SYCP1: variants seen among roughly 807,000 people sequenced by gnomAD.
The protein encoded by SYCP1 is cancer/testis antigen 8.
In SYCP1, 64 loss-of-function variants were observed where a neutral mutation model predicts 153.1. That is an observed-to-expected ratio of 0.42 (90% CI 0.34 to 0.51). The LOEUF is 0.51. SYCP1 is among the 20% of genes least tolerant of loss of function. The probability of loss-of-function intolerance (pLI) is 0.06; values close to 1 mark genes in which losing one functional copy is unlikely to be tolerated. For missense variants in SYCP1, 997 were observed against 1,049.0 expected, an observed-to-expected ratio of 0.95 and a Z score of 0.68; for synonymous variants, 384 against 341.8, an observed-to-expected ratio of 1.12 and a Z score of -1.36.
chr1:114,955,392 T>C (rs1671372818), intron 27 of SYCP1, among the ~76,000 whole-genome samples: 1 of 152,226 alleles, frequency 6.6e-6, no homozygotes, highest in South Asian at 2.1e-4. Flanking sequence ...TTCTCTATAC[T>C]ATCTTGTCTG....
At position 114,855,552 on chromosome 1, in the gene SYCP1, G is replaced by T; in HGVS notation, c.88G>T (p.Gly30Cys). 6.2e-7 allele frequency: 1 copy of T among 1,607,898 alleles called. No individual in the cohort carries two copies. The highest frequency in any genetic ancestry group is 1.1e-5 in the South Asian group (1 of 90,312). The change falls in exon 2 of 32, where the codon GGC becomes TGC. Residue 30 changes from glycine (G) to cysteine (C), a missense_variant. Gly to Cys is a radical substitution (Grantham distance 159). Transcript: ENST00000369522. Reference protein sequence around the residue: ...VSAVKPQTLGGDSTFFKSFNK... With the variant: ...VSAVKPQTLGCDSTFFKSFNK... ...TGCGGTGAAACCTCAGACCCTGGGA[G>T]GCGATTCCACTTTCTTCAAGGTAAA...
At position 114,965,875 on chromosome 1, in the gene SYCP1, AGG is replaced by A. The variant is rs1372029931; in HGVS notation, c.2323-11681_2323-11680del. ...GCTGGCCTCATAAACTGAGTTAGGC[AGG>A]AGTCCCTCTTTTTCTTTTTGGAATA... On this transcript the variant is annotated intron_variant, in intron 27 of 31. Transcript: ENST00000369522. Among the ~76,000 whole-genome samples the A allele has an allele frequency of 5.3e-5, 8 of 152,324 alleles. No homozygotes were observed. In the East Asian group the frequency reaches 1.5e-3, roughly 29 times the overall value.
chr1:114,960,823 G>A (rs186138820), intron 27 of SYCP1, among the ~76,000 whole-genome samples: 22 of 151,876 alleles, frequency 1.4e-4, no homozygotes, highest in Non-Finnish European at 1.6e-4. Context: ...TTCTTTTTTC[G>A]TTTTGTCCTC....
intron 27 of SYCP1, among the ~76,000 whole-genome samples, chr1:114,974,378 C>T (rs1672683408): frequency 6.6e-6 from 1 of 151,888 alleles, no homozygotes. Flanking sequence ...AGTGCACCAT[C>T]TTAACACTTT....
At chr1:114,922,142 ACCT>A (rs1273978244) in intron 20 of SYCP1, among the ~76,000 whole-genome samples, 1 of 152,106 alleles carries the variant, frequency 6.6e-6, no homozygotes, top group East Asian at 1.9e-4. Context: ...TATTCTAATA[ACCT>A]TCTTGTCCTT....
intron 30 of SYCP1, among the ~76,000 whole-genome samples, chr1:114,989,392 A>T (rs1352885674): frequency 7.3e-6 from 1 of 137,336 alleles, no homozygotes; most frequent in Non-Finnish European, 1.7e-5. Context: ...CAAGTACAAA[A>T]GTCACCTAAA....
intron 20 of SYCP1, among the ~76,000 whole-genome samples, chr1:114,920,646 T>C (rs1668805492): frequency 6.6e-6 from 1 of 152,180 alleles, no homozygotes; most frequent in African/African-American, 2.4e-5. Flanking sequence ...GTTTTATATA[T>C]CTGTGTGCTC....
rs370689407 is a variant in SYCP1, at chr1:114,953,222, A to G, written c.2322+5902A>G. 3.3e-5 allele frequency among the ~76,000 whole-genome samples: 5 copies of G among 152,356 alleles called. No individual in the cohort carries two copies. In the East Asian group the frequency reaches 7.7e-4, roughly 23 times the overall value. ...TTTGGAGGGTACAAACATTCAAACC[A>G]TAGCATCAGATATGTGGTTTGCCAG... is the stretch of plus-strand genomic sequence containing the variant. On this transcript the variant is annotated intron_variant, in intron 27 of 31. Transcript: ENST00000369522.
intron 30 of SYCP1, among the ~76,000 whole-genome samples, chr1:114,992,008 A>G (rs772751127): frequency 6.6e-6 from 1 of 151,816 alleles, no homozygotes; most frequent in African/African-American, 2.4e-5. Context: ...TATACCAGCG[A>G]TGAACAATCA....
At chr1:114,930,805 G>A (rs1391325995) in intron 23 of SYCP1, among the ~76,000 whole-genome samples, 1 of 151,408 alleles carries the variant, frequency 6.6e-6, no homozygotes, top group Admixed American at 6.6e-5. Context: ...ATATCCATCT[G>A]AATAAAAGAA....
intron 27 of SYCP1, among the ~76,000 whole-genome samples, chr1:114,968,829 CT>C (rs1476573082): frequency 2.0e-5 from 3 of 152,176 alleles, no homozygotes; most frequent in Non-Finnish European, 4.4e-5. Context: ...TACTTTTGGT[CT>C]TTGATGTTGG....
chr1:114,902,677 A>G (rs1667548294), intron 16 of SYCP1, among the ~76,000 whole-genome samples: 1 of 150,502 alleles, frequency 6.6e-6, no homozygotes. Context: ...TTATATATGA[A>G]CAACATCAAT....
intron 23 of SYCP1, among the ~76,000 whole-genome samples, chr1:114,929,915 GT>G (rs1005049607): frequency 6.6e-6 from 1 of 151,946 alleles, no homozygotes; most frequent in Non-Finnish European, 1.5e-5. Context: ...CACATAGAAT[GT>G]TTACCAAAAT....
chr1:114,856,365 C>G (rs1663939025), intron 2 of SYCP1, among the ~76,000 whole-genome samples: 1 of 152,160 alleles, frequency 6.6e-6, no homozygotes. Context: ...AGTTTAGCTT[C>G]ATCTTACAAG....
rs1246944637 is a variant in SYCP1, at chr1:114,855,583, A to C, written c.108+11A>C. 6.3e-7 allele frequency: 1 copy of C among 1,592,234 alleles called. No individual in the cohort carries two copies. The highest frequency in any genetic ancestry group is 8.6e-7 in the Non-Finnish European group (1 of 1,162,990). ...TCCACTTTCTTCAAGGTAAATTTCC[A>C]TGTGACTCTTAATTGGACTCTTCTT... On this transcript the variant is annotated intron_variant, in intron 2 of 31. Coordinates refer to ENST00000369522, the MANE Select transcript of SYCP1 (RefSeq NM_003176.4).
chr1:114,983,383 G>T (rs539509608), intron 29 of SYCP1, among the ~76,000 whole-genome samples: 1 of 152,030 alleles, frequency 6.6e-6, no homozygotes, highest in Non-Finnish European at 1.5e-5. Context: ...AACGTTTGTT[G>T]TTTTTGACAA....
At chr1:114,867,385 T>A (rs957325119) in intron 8 of SYCP1, among the ~76,000 whole-genome samples, 3 of 152,142 alleles carry the variant, frequency 2.0e-5, no homozygotes, top group African/African-American at 7.2e-5. Context: ...CTATCTATGA[T>A]CATGGAATCT....
At chr1:114,887,502 G>C (rs1666395169) in intron 14 of SYCP1, 124 bp from the exon 15 acceptor site, 1 of 512,848 alleles carries the variant, frequency 1.9e-6, no homozygotes, top group African/African-American at 2.0e-5. Context: ...CTTAATAAAT[G>C]TTTAACAATC....
intron 6 of SYCP1, 118 bp from the exon 7 acceptor site, chr1:114,859,625 A>T: frequency 2.2e-6 from 1 of 457,228 alleles, no homozygotes; most frequent in Non-Finnish European, 3.3e-6. Flanking sequence ...TTATGTGGAA[A>T]GAAAATAATT....
Sources: allele counts gnomAD v4.1 joint callset (sites outside exome capture counted in the v4.1 genomes callset), GRCh38; gene constraint gnomAD v4.1.1; transcripts MANE v1.5; gene names NCBI Gene and HGNC (gene_info 2026-07-23, HGNC 2026-07-21).